Variants in COPS7B observed in about 807,000 individuals in gnomAD.
COPS7B encodes COP9 signalosome subunit 7B, also known as COP9 signalosome complex subunit 7b.
COPS7B carries 9 observed loss-of-function variants against 33.4 expected under a neutral mutation model. That is an observed-to-expected ratio of 0.27 (90% CI 0.16 to 0.47). The LOEUF is 0.47. Ranked by LOEUF, COPS7B falls within the 20% of genes least tolerant of loss-of-function variation. The pLI is 0.99. For synonymous variants in COPS7B, 119 were observed against 126.3 expected (o/e 0.94, Z 0.39); for missense variants, 242 against 318.2 (o/e 0.76, Z 1.82).
chr2:231,794,201 C>A, intron 3 of COPS7B, 62 bp from the exon 4 acceptor site: 1 of 1,405,600 alleles, frequency 7.1e-7, no homozygotes, highest in South Asian at 1.2e-5. Flanking sequence ...TGAGCTTATT[C>A]CATAAAAGAA....
chr2:231,787,295 C>G (rs2049277963), intron 1 of COPS7B, among the ~76,000 whole-genome samples: 1 of 152,220 alleles, frequency 6.6e-6, no homozygotes. Flanking sequence ...GAAAGGGCAA[C>G]TAATCTGTGT....
At chr2:231,788,145 T>G (rs1320610519) in intron 1 of COPS7B, among the ~76,000 whole-genome samples, 4 of 150,290 alleles carry the variant, frequency 2.7e-5, no homozygotes, top group South Asian at 2.1e-4. Flanking sequence ...TGTTTTTTTT[T>G]TTTTTTTTTT....
chr2:231,797,167 C>A (rs181237950), intron 5 of COPS7B, among the ~76,000 whole-genome samples: 1 of 152,152 alleles, frequency 6.6e-6, no homozygotes, highest in African/African-American at 2.4e-5. Context: ...TACACAGGTT[C>A]GGGAGGGAGA....
upstream of COPS7B, chr2:231,781,732 C>A (rs562221278): frequency 3.7e-6 from 4 of 1,068,072 alleles, no homozygotes; most frequent in Non-Finnish European, 5.6e-6. Context: ...GCGCAGTGTG[C>A]GCAAATTCAC....
chr2:231,782,179 CTAAGTCGGCTGACTTGCA>C (rs1263137730), upstream of COPS7B, among the ~76,000 whole-genome samples: 5 of 152,224 alleles, frequency 3.3e-5, no homozygotes, highest in African/African-American at 1.2e-4. Flanking sequence ...GAATTCAGCC[CTAAGTCGGCTGACTTGCA>C]GTCTGGACTC....
intron 6 of COPS7B, among the ~76,000 whole-genome samples, chr2:231,806,623 C>T (rs2049902719): frequency 6.6e-6 from 1 of 152,024 alleles, no homozygotes; most frequent in African/African-American, 2.4e-5. Flanking sequence ...CTACCACCAC[C>T]ATCCTCTTCC....
intron 6 of COPS7B, among the ~76,000 whole-genome samples, chr2:231,800,039 A>AACTTG (rs2049698216): frequency 6.6e-6 from 1 of 152,094 alleles, no homozygotes; most frequent in Non-Finnish European, 1.5e-5. Context: ...GCTTTTCATG[A>AACTTG]ACTTGAGCTA....
rs1489695946 is a variant in COPS7B at position 231,796,091 on chromosome 2, T to C, written c.328-15T>C. 1 of 1,610,290 alleles carries C rather than the reference T, an allele frequency of 6.2e-7. No homozygotes were observed. The highest frequency in any genetic ancestry group is 8.5e-7 in the Non-Finnish European group (1 of 1,176,596). ...CCAGATGGTTTTTATAATGATCACA[T>C]GGCCTTATCTACAGTGTATCCCCTA... On this transcript the variant is annotated splice_polypyrimidine_tract_variant and intron_variant, in intron 4 of 6. Coordinates refer to ENST00000350033, the MANE Select transcript of COPS7B (RefSeq NM_022730.4).
intron 2 of COPS7B, 178 bp downstream of exon 2, chr2:231,788,910 T>C (rs1185298193): frequency 1.9e-6 from 1 of 536,014 alleles, no homozygotes; most frequent in Admixed American, 3.6e-5. Flanking sequence ...TTTTATCCAG[T>C]ATTTTTATCT....
chr2:231,788,667 C>G lies in COPS7B; in HGVS notation c.97C>G (p.Gln33Glu), dbSNP rs1423257573. 1 of 1,614,184 alleles carries G rather than the reference C, an allele frequency of 6.2e-7. No homozygotes were observed. The highest frequency in any genetic ancestry group is 1.1e-5 in the South Asian group (1 of 91,082). ...CTCAGCCCTCACTGCTCTCATAAGC[C>G]AGGTCTTAGAGGCTCCCGGAGTGTA... is the stretch of plus-strand genomic sequence containing the variant. ...SGSALTALIS[Q>E]VLEAPGVYVF... The change falls in exon 2 of 7, where the codon CAG (glutamine) becomes GAG (glutamate). Residue 33 changes from glutamine (Q) to glutamate (E), a missense_variant. Coordinates refer to ENST00000350033, the MANE Select transcript of COPS7B (RefSeq NM_022730.4).
At chr2:231,799,426 T>C (rs183719644) in intron 6 of COPS7B, among the ~76,000 whole-genome samples, 1 of 152,326 alleles carries the variant, frequency 6.6e-6, no homozygotes, top group Admixed American at 6.5e-5. Flanking sequence ...ATTCTTTCTC[T>C]GTGAACTGTA....
chr2:231,792,498 A>G (rs960706626), intron 3 of COPS7B, among the ~76,000 whole-genome samples: 4 of 152,164 alleles, frequency 2.6e-5, no homozygotes, highest in African/African-American at 9.7e-5. Flanking sequence ...TCAAACAAAC[A>G]AATAAATAAA....
chr2:231,807,508 C>A lies in COPS7B; in HGVS notation c.658C>A (p.Leu220Ile). Residue 220 changes from leucine (L) to isoleucine (I), a missense_variant, in exon 7 of 7, where the codon CTC becomes ATC. Coordinates refer to ENST00000350033, the MANE Select transcript of COPS7B (RefSeq NM_022730.4). The part of the protein sequence containing the change: ...EAEVTNIKKT[L>I]KATASSSAQE... ...CCAGGTTACCAACATCAAGAAGACA[C>A]TCAAAGCCACCGCATCCTCCTCGGC... 1 of 1,613,224 alleles carries A rather than the reference C, an allele frequency of 6.2e-7. No homozygotes were observed. Among genetic ancestry groups the A allele is most frequent in the South Asian group, 1.1e-5 (1 of 90,932 alleles).
intron 5 of COPS7B, among the ~76,000 whole-genome samples, chr2:231,796,648 A>C (rs1411066544): frequency 6.6e-6 from 1 of 152,210 alleles, no homozygotes; most frequent in Non-Finnish European, 1.5e-5. Context: ...CTCACGCTCA[A>C]AGTTTGACCA....
chr2:231,797,293 G>A (rs1209263223), intron 5 of COPS7B, among the ~76,000 whole-genome samples: 1 of 152,060 alleles, frequency 6.6e-6, no homozygotes, highest in East Asian at 1.9e-4. Context: ...TTACACCCCA[G>A]GACATGTGTT....
chr2:231,791,907 G>T, intron 3 of COPS7B, 99 bp downstream of exon 3: 1 of 1,074,894 alleles, frequency 9.3e-7, no homozygotes, highest in South Asian at 1.3e-5. Context: ...GTAGTGGGGA[G>T]ACTTCTTGAC....
chr2:231,794,470 G>T lies in COPS7B; in HGVS notation c.327+119G>T. On this transcript the variant is annotated intron_variant, in intron 4 of 6. Transcript: ENST00000350033. ...GTCACATCATAAATGCATAAAATTT[G>T]CTTGACAGAGGAAAAGATAAAATGG... 4.0e-6 allele frequency: 3 copies of T among 752,516 alleles called. No homozygotes were observed. The Admixed American group carries it at 8.2e-5, about 21-fold the overall frequency. The allele number at this position is 752,516 out of a possible 1,614,324, so 46.6% of individuals were successfully genotyped here. A position where few individuals can be genotyped will look rare whatever the true frequency, so the allele number is the denominator to read the frequency against.
chr2:231,802,852 G>A (rs1231695235), intron 6 of COPS7B, among the ~76,000 whole-genome samples: 1 of 152,250 alleles, frequency 6.6e-6, no homozygotes, highest in African/African-American at 2.4e-5. Context: ...TGAGTTGTGT[G>A]TTGTAAATGC....
chr2:231,783,122 G>A (rs1381655260), upstream of COPS7B, among the ~76,000 whole-genome samples: 1 of 152,176 alleles, frequency 6.6e-6, no homozygotes, highest in Non-Finnish European at 1.5e-5. Context: ...CATGTTGTGT[G>A]TAGCCTTTTA....
Sources: allele counts gnomAD v4.1 joint callset (sites outside exome capture counted in the v4.1 genomes callset), GRCh38; gene constraint gnomAD v4.1.1; transcripts MANE v1.5; gene names NCBI Gene and HGNC (gene_info 2026-07-23, HGNC 2026-07-21).